The following RIMS2 variants were observed in gnomAD, a reference collection of about 807,000 sequenced individuals.
RIMS2 encodes regulating synaptic membrane exocytosis protein 2.
A neutral mutation model predicts 174.4 loss-of-function variants in RIMS2; 59 were observed. That is an observed-to-expected ratio of 0.34 (90% confidence interval 0.27 to 0.42). The LOEUF (loss-of-function observed/expected upper bound fraction) is 0.42, where lower values mean the gene tolerates loss of function less well. RIMS2 is among the 10% of genes least tolerant of loss of function. The pLI is 1.00. For missense variants in RIMS2, 1,620 were observed against 1,666.3 expected (o/e 0.97, Z 0.48); for synonymous variants, 606 against 572.5 (o/e 1.06, Z -0.84).
downstream of RIMS2, chr8:104,251,925 C>T (rs79468299): frequency 1.9e-4 from 138 of 710,920 alleles, no homozygotes; most frequent in East Asian, 2.7e-3. Flanking sequence ...GTTGTGTCTT[C>T]TGAGCCTGTT....
At chr8:104,082,206 GA>G (rs1308551417) in intron 19 of RIMS2, among the ~76,000 whole-genome samples, 1 of 151,870 alleles carries the variant, frequency 6.6e-6, no homozygotes, top group African/African-American at 2.4e-5. Context: ...GGGATGAAGA[GA>G]GGGGAAAAAA....
At chr8:103,630,749 T>C (rs1468590542) in intron 1 of RIMS2, among the ~76,000 whole-genome samples, 1 of 151,960 alleles carries the variant, frequency 6.6e-6, no homozygotes, top group East Asian at 1.9e-4. Flanking sequence ...AATGAAATAC[T>C]AGAATATTAA....
chr8:103,934,497 T>C (rs2080763839), intron 12 of RIMS2, among the ~76,000 whole-genome samples: 1 of 152,138 alleles, frequency 6.6e-6, no homozygotes, highest in Admixed American at 6.5e-5. Flanking sequence ...GAATTGGTGC[T>C]TGGGTACATA....
intron 9 of RIMS2, among the ~76,000 whole-genome samples, chr8:103,920,386 AAAAC>A (rs2077375821): frequency 6.6e-6 from 1 of 152,146 alleles, no homozygotes; most frequent in Admixed American, 6.5e-5. Flanking sequence ...TTTATTGTAA[AAAAC>A]AACAACGACA....
intron 1 of RIMS2, among the ~76,000 whole-genome samples, chr8:103,570,007 AT>A (rs1257968480): frequency 2.6e-5 from 4 of 152,178 alleles, no homozygotes; most frequent in Admixed American, 2.0e-4. Context: ...TGGAAATACA[AT>A]TGATCTTTGA....
intron 1 of RIMS2, among the ~76,000 whole-genome samples, chr8:103,695,732 TTTG>T (rs1212067577): frequency 2.0e-5 from 3 of 151,760 alleles, no homozygotes; most frequent in African/African-American, 7.2e-5. Context: ...ACAGTTTTTT[TTTG>T]TTTGTTTGTT....
intron 2 of RIMS2, among the ~76,000 whole-genome samples, chr8:103,746,847 A>C (rs7003269): frequency 2.6e-5 from 4 of 151,582 alleles, no homozygotes; most frequent in African/African-American, 7.3e-5. Context: ...CACCCCGCTA[A>C]TTTTTTGTAT....
chr8:103,771,718 G>A (rs2098255367), intron 3 of RIMS2, among the ~76,000 whole-genome samples: 3 of 151,998 alleles, frequency 2.0e-5, no homozygotes. Flanking sequence ...TGTATTTTAA[G>A]CTCCTCGGCC....
At chr8:104,206,895 T>C (rs562577576) in intron 19 of RIMS2, among the ~76,000 whole-genome samples, 1 of 152,324 alleles carries the variant, frequency 6.6e-6, no homozygotes, top group Admixed American at 6.5e-5. Context: ...TAGTTCTGTA[T>C]GGAAGAAAGC....
chr8:103,942,786 T>C lies in RIMS2; in HGVS notation c.2561T>C (p.Leu854Ser). The C allele has an allele frequency of 6.2e-7, 1 of 1,611,706 alleles. No individual in the cohort carries two copies. Among genetic ancestry groups the C allele is most frequent in the Non-Finnish European group, 8.5e-7 (1 of 1,178,166 alleles). The change falls in exon 14 of 24, where the codon TTA (leucine) becomes TCA (serine). Residue 854 changes from leucine (L) to serine (S), a missense_variant. Physicochemically the swap from Leu to Ser is moderately radical, Grantham distance 145 (BLOSUM62 -2). Around this residue, in one of 2 missense-constraint regions of RIMS2, gnomAD observed 1,395 missense variants for 1,360.1 expected, o/e 1.03. Transcript: ENST00000504942. Reference sequence around the variant, plus strand: ...TTGGGTTTGTAGATTTTAATTGAATTAGAAACAGCATTATTAGATGATGAG... The same window carrying C: ...TTGGGTTTGTAGATTTTAATTGAATCAGAAACAGCATTATTAGATGATGAG...
intron 2 of RIMS2, among the ~76,000 whole-genome samples, chr8:103,760,648 G>GT (rs946664890): frequency 6.6e-5 from 10 of 151,668 alleles, no homozygotes; most frequent in Admixed American, 1.3e-4. Flanking sequence ...CTGCATTCTT[G>GT]TTTTTTTTCC....
chr8:103,647,025 A>C (rs1187014553), intron 1 of RIMS2, among the ~76,000 whole-genome samples: 1 of 151,938 alleles, frequency 6.6e-6, no homozygotes, highest in Non-Finnish European at 1.5e-5. Context: ...CCTAGTTGAG[A>C]ATTTTTAACA....
chr8:104,062,941 A>G (rs2097030389), intron 19 of RIMS2, among the ~76,000 whole-genome samples: 1 of 152,058 alleles, frequency 6.6e-6, no homozygotes, highest in Non-Finnish European at 1.5e-5. Flanking sequence ...TGTCTCTTTT[A>G]TATAAGTAAT....
chr8:104,013,803 T>C (rs1399438543), intron 18 of RIMS2, among the ~76,000 whole-genome samples, 182 bp downstream of exon 20: 2 of 152,174 alleles, frequency 1.3e-5, no homozygotes, highest in Non-Finnish European at 2.9e-5. Context: ...GTGGCTACCA[T>C]TGTAATTTGT....
At chr8:104,204,256 G>C (rs1470822188) in intron 19 of RIMS2, among the ~76,000 whole-genome samples, 1 of 152,156 alleles carries the variant, frequency 6.6e-6, no homozygotes, top group African/African-American at 2.4e-5. Flanking sequence ...GGAGAATTAA[G>C]AACTTTGTAA....
chr8:103,694,566 T>G (rs1195957197), intron 1 of RIMS2, among the ~76,000 whole-genome samples: 2 of 152,008 alleles, frequency 1.3e-5, no homozygotes, highest in African/African-American at 4.8e-5. Flanking sequence ...ATATAGACCT[T>G]GTCTACTGGG....
chr8:103,711,891 A>T (rs937142019), intron 2 of RIMS2, among the ~76,000 whole-genome samples: 1 of 118,434 alleles, frequency 8.4e-6, no homozygotes, highest in Non-Finnish European at 1.7e-5. Flanking sequence ...GCCGGACCCC[A>T]TCTGAAATAT....
intron 19 of RIMS2, among the ~76,000 whole-genome samples, chr8:104,177,394 T>C (rs1219731225): frequency 6.6e-6 from 1 of 152,168 alleles, no homozygotes; most frequent in Non-Finnish European, 1.5e-5. Context: ...GGCAAATTTA[T>C]GTACTTCATA....
At chr8:103,702,511 C>CA (rs35251444) in intron 2 of RIMS2, among the ~76,000 whole-genome samples, 26,753 of 151,942 alleles carry the variant, frequency 0.18, 2,554 homozygotes, top group African/African-American at 0.23. Flanking sequence ...TTGCCTAGAC[C>CA]ATGTTTACTT....
Sources: gnomAD v4.1 joint callset for allele counts (sites outside exome capture counted in the v4.1 genomes callset) on GRCh38, gnomAD v4.1.1 for gene constraint, gnomAD v4.1.1 regional missense constraint, MANE v1.5 for transcripts, NCBI Gene and HGNC (gene_info 2026-07-23, HGNC 2026-07-21) for gene names.